Variants in MARCO observed in about 807,000 individuals in gnomAD.
MARCO encodes the protein macrophage receptor with collagenous structure.
Under a neutral mutation model 70.0 loss-of-function variants are expected in MARCO, and 72 were observed. That is an observed-to-expected ratio of 1.03 (90% CI 0.85 to 1.25). MARCO has a LOEUF of 1.25. MARCO is among the 50% of genes most tolerant of loss of function. MARCO has a pLI of 0.00. For missense variants in MARCO, 696 were observed against 659.3 expected (o/e 1.06, Z -0.61); for synonymous variants, 273 against 243.1 (o/e 1.12, Z -1.14).
intron 1 of MARCO, among the ~76,000 whole-genome samples, chr2:118,953,933 A>G (rs565247920): frequency 6.6e-6 from 1 of 152,296 alleles, no homozygotes; most frequent in East Asian, 1.9e-4. Context: ...TGGGTCCCCA[A>G]GCAGCCCACT....
rs1490545799 is a variant in MARCO, at chr2:118,991,842, C to G, written c.1174C>G (p.Gln392Glu). 1 of 1,601,072 alleles carries G rather than the reference C, an allele frequency of 6.2e-7. No individual in the cohort carries two copies. Among genetic ancestry groups the G allele is most frequent in the Non-Finnish European group, 8.5e-7 (1 of 1,174,906 alleles). ...GGCAGGTCCCAAGGGAGCCCCTGGA[C>G]AAGCTGGCCAGAAGGGAGACCAGGG... ...GLAGPKGAPG[Q>E]AGQKGDQGVK... Residue 392 changes from glutamine to glutamate, a missense_variant, in exon 14 of 17, where the codon CAA becomes GAA. By Grantham distance (29) the Gln-to-Glu change is conservative. This residue lies in a region of MARCO where 605 missense variants were observed against 537.6 expected (regional missense o/e 1.13). Transcript: ENST00000327097.
intron 1 of MARCO, among the ~76,000 whole-genome samples, chr2:118,944,043 T>C (rs1679551331): frequency 6.6e-6 from 1 of 152,052 alleles, no homozygotes; most frequent in African/African-American, 2.4e-5. Context: ...ATCAGATCAA[T>C]TGGACTGCAA....
Position 118,974,490 on chromosome 2 carries a change from G to A in MARCO, c.569-31G>A, listed in dbSNP as rs867279559. ...TTAATCATTTTCCTCCTCCTTCTCT[G>A]GCTTCACTCTGAATTCCCTTTCCCT... On this transcript the variant is annotated intron_variant, in intron 5 of 16. Coordinates refer to ENST00000327097, the MANE Select transcript of MARCO (RefSeq NM_006770.4). 13 of 1,613,642 alleles carry A rather than the reference G, an allele frequency of 8.1e-6. No individual in the cohort carries two copies. The Middle Eastern group carries it at 2.1e-3, about 266-fold the overall frequency.
intron 1 of MARCO, chr2:118,952,926 C>T (rs1363945271): frequency 1.3e-5 from 2 of 152,138 alleles, no homozygotes; most frequent in Admixed American, 6.5e-5. Context: ...TCAGCAAGGC[C>T]ATCTTTACTT....
intron 12 of MARCO, among the ~76,000 whole-genome samples, chr2:118,983,096 G>A (rs1308044388): frequency 1.3e-5 from 2 of 152,200 alleles, no homozygotes; most frequent in Non-Finnish European, 2.9e-5. Context: ...AGAGACTGTT[G>A]CCAGATGATG....
intron 16 of MARCO, 103 bp from the exon 17 acceptor site, chr2:118,994,284 G>C (rs193030286): frequency 7.8e-7 from 1 of 1,281,008 alleles, no homozygotes; most frequent in South Asian, 1.2e-5. Context: ...GTGAGAAGTC[G>C]GCAGTCCACC....
At position 118,986,717 on chromosome 2, in the gene MARCO, GAAA is replaced by G. The variant is rs1680519983; in HGVS notation, c.1064-3871_1064-3869del. Among the ~76,000 whole-genome samples the G allele has an allele frequency of 2.3e-4, 23 of 102,070 alleles. 4 individuals are homozygous for G. Among genetic ancestry groups the G allele is most frequent in the East Asian group, 9.1e-4 (3 of 3,290 alleles). The allele number at this position is 102,070 out of a possible 152,430, so 67.0% of individuals were successfully genotyped here. On this transcript the variant is annotated intron_variant, in intron 12 of 16. Coordinates refer to ENST00000327097, the MANE Select transcript of MARCO (RefSeq NM_006770.4). Reference sequence around the variant, plus strand: ...AGAAAGAAAGAAAGAAAGAAAGAAAGAAAGAAAAGAAAGAAAGAAAGAGAAAGA... The same window carrying G: ...AGAAAGAAAGAAAGAAAGAAAGAAAGGAAAAGAAAGAAAGAAAGAGAAAGA...
At chr2:118,952,321 C>CT (rs1017268058) in intron 1 of MARCO, among the ~76,000 whole-genome samples, 2 of 152,156 alleles carry the variant, frequency 1.3e-5, no homozygotes, top group African/African-American at 2.4e-5. Context: ...CCCTTGCACA[C>CT]TTCCCACTTG....
At chr2:118,958,911 T>C (rs1373053901) in intron 1 of MARCO, among the ~76,000 whole-genome samples, 1 of 152,082 alleles carries the variant, frequency 6.6e-6, no homozygotes, top group East Asian at 1.9e-4. Context: ...CAACAAATGG[T>C]GCTGGGATAA....
intron 1 of MARCO, 111 bp from the exon 2 acceptor site, chr2:118,969,049 G>A: frequency 1.3e-6 from 1 of 747,894 alleles, no homozygotes; most frequent in South Asian, 1.6e-5. Context: ...GTCTTTCCCA[G>A]CTGACCTCAC....
intron 3 of MARCO, 114 bp from the exon 4 acceptor site, chr2:118,971,385 G>A: frequency 2.0e-6 from 2 of 993,482 alleles, no homozygotes; most frequent in Non-Finnish European, 3.2e-6. Context: ...AGTCTGATGG[G>A]AGCCCCACAC....
rs762693606 is a variant in MARCO, at chr2:118,977,532, C to T, written c.658+17C>T. ...GAGCCACTGGTAACTTGTACTTGCTCTGCTAGGGACAAATGATGCATAGCC... is the reference window on the plus strand; with the variant it reads ...GAGCCACTGGTAACTTGTACTTGCTTTGCTAGGGACAAATGATGCATAGCC... On this transcript the variant is annotated intron_variant, in intron 7 of 16. Transcript: ENST00000327097. 5 of 1,612,300 alleles carry T rather than the reference C, an allele frequency of 3.1e-6. No individual in the cohort carries two copies. The highest frequency in any genetic ancestry group is 4.2e-6 in the Non-Finnish European group (5 of 1,178,608).
intron 12 of MARCO, among the ~76,000 whole-genome samples, chr2:118,989,586 C>G (rs1189401176): frequency 6.6e-6 from 1 of 152,208 alleles, no homozygotes; most frequent in African/African-American, 2.4e-5. Flanking sequence ...CCCCTTGCCT[C>G]TCCCTCCACT....
chr2:118,966,166 G>C (rs1680043369), intron 1 of MARCO, among the ~76,000 whole-genome samples: 2 of 152,150 alleles, frequency 1.3e-5, no homozygotes, highest in African/African-American at 4.8e-5. Context: ...TCTTCACTGG[G>C]ATCTTTTACA....
At chr2:118,958,755 T>C (rs1679884538) in intron 1 of MARCO, among the ~76,000 whole-genome samples, 1 of 152,184 alleles carries the variant, frequency 6.6e-6, no homozygotes, top group South Asian at 2.1e-4. Flanking sequence ...GATTTCAAAC[T>C]ATACTATAAG....
At chr2:118,963,005 T>A (rs1679978184) in intron 1 of MARCO, among the ~76,000 whole-genome samples, 1 of 151,992 alleles carries the variant, frequency 6.6e-6, no homozygotes, top group African/African-American at 2.4e-5. Context: ...TTTTGTTCAG[T>A]CTTGCTAGAG....
intron 12 of MARCO, among the ~76,000 whole-genome samples, chr2:118,987,094 A>C (rs957481328): frequency 2.0e-5 from 3 of 152,242 alleles, no homozygotes; most frequent in African/African-American, 7.2e-5. Flanking sequence ...ACTGGAAGGC[A>C]TATGTTTTCT....
At chr2:118,980,679 G>C (rs1898996) in intron 8 of MARCO, among the ~76,000 whole-genome samples, 1 of 152,094 alleles carries the variant, frequency 6.6e-6, no homozygotes, top group Non-Finnish European at 1.5e-5. Flanking sequence ...GGGGAGTGGA[G>C]TTGAGCACGG....
intron 2 of MARCO, among the ~76,000 whole-genome samples, chr2:118,969,809 A>G (rs757869523): frequency 3.9e-5 from 6 of 152,312 alleles, no homozygotes; most frequent in Non-Finnish European, 5.9e-5. Context: ...GCTGTCATGC[A>G]TCTACACCCA....
Sources: allele counts gnomAD v4.1 joint callset (sites outside exome capture counted in the v4.1 genomes callset), GRCh38; gene constraint gnomAD v4.1.1; regional missense constraint gnomAD v4.1.1; transcripts MANE v1.5; gene names NCBI Gene and HGNC (gene_info 2026-07-23, HGNC 2026-07-21).